The following SDK1 variants were observed in gnomAD, a reference collection of about 807,000 sequenced individuals.
The protein encoded by SDK1 is protein sidekick-1.
SDK1 carries 157 observed loss-of-function variants against 245.5 expected under a neutral mutation model. The ratio of observed to expected loss-of-function variants is 0.64; its 90% CI spans 0.56 to 0.73. The LOEUF is 0.73. Among genes scored for constraint, SDK1 ranks in the 30% least tolerant of loss-of-function variants. SDK1 has a pLI of 0.00. For missense variants in SDK1, 3,583 were observed against 3,002.3 expected (o/e 1.19, Z -4.52); for synonymous variants, 1,647 against 1,278.5 (o/e 1.29, Z -6.15).
At chr7:3,532,969 G>C (rs1453606022) in intron 1 of SDK1, among the ~76,000 whole-genome samples, 1 of 152,206 alleles carries the variant, frequency 6.6e-6, no homozygotes, top group African/African-American at 2.4e-5. Context: ...TGGTAGTGGA[G>C]AGGAGAGACT....
At chr7:3,824,265 A>G (rs1392804352) in intron 5 of SDK1, among the ~76,000 whole-genome samples, 1 of 152,192 alleles carries the variant, frequency 6.6e-6, no homozygotes, top group Non-Finnish European at 1.5e-5. Context: ...CTTCTGATGT[A>G]GGCTTTTGTG....
At chr7:3,711,890 G>A (rs1583331117) in intron 4 of SDK1, among the ~76,000 whole-genome samples, 1 of 152,246 alleles carries the variant, frequency 6.6e-6, no homozygotes, top group Admixed American at 6.5e-5. Flanking sequence ...AGACTTCCAG[G>A]GGAAACATCT....
At chr7:3,681,131 C>T (rs1487096056) in intron 4 of SDK1, among the ~76,000 whole-genome samples, 1 of 152,172 alleles carries the variant, frequency 6.6e-6, no homozygotes, top group African/African-American at 2.4e-5. Context: ...CGTGAGCCAC[C>T]GCGCCCGGCT....
chr7:3,614,716 T>TC (rs2128643350), intron 1 of SDK1, among the ~76,000 whole-genome samples: 1 of 152,340 alleles, frequency 6.6e-6, no homozygotes, highest in South Asian at 2.1e-4. Flanking sequence ...GAAGTGCTAT[T>TC]CCCCACCTTG....
intron 19 of SDK1, 122 bp from the exon 20 acceptor site, chr7:4,067,716 C>T (rs1342177171): frequency 3.1e-6 from 2 of 653,918 alleles, no homozygotes; most frequent in Admixed American, 5.3e-5. Flanking sequence ...CTGATGTCTC[C>T]TGCAGGGTTT....
chr7:3,573,509 C>T (rs1011630511), intron 1 of SDK1, among the ~76,000 whole-genome samples: 1 of 152,090 alleles, frequency 6.6e-6, no homozygotes, highest in Non-Finnish European at 1.5e-5. Context: ...ATGCAGCTGC[C>T]CCCTGAGAAA....
chr7:3,979,016 G>C (rs937186282), intron 13 of SDK1, among the ~76,000 whole-genome samples: 3 of 152,210 alleles, frequency 2.0e-5, no homozygotes, highest in African/African-American at 7.2e-5. Flanking sequence ...GAGTGGAGGG[G>C]CGGCCCCCAC....
chr7:3,688,170 G>C (rs1289267637), intron 4 of SDK1, among the ~76,000 whole-genome samples: 1 of 152,194 alleles, frequency 6.6e-6, no homozygotes, highest in African/African-American at 2.4e-5. Flanking sequence ...AAAGTTAATT[G>C]TATCATTACT....
At chr7:3,827,170 A>G (rs7795259) in intron 5 of SDK1, among the ~76,000 whole-genome samples, 2 of 109,990 alleles carry the variant, frequency 1.8e-5, no homozygotes, top group Non-Finnish European at 4.0e-5. Context: ...TTGAACACAT[A>G]TGGGGGAAGC....
At chr7:3,597,531 G>A (rs936671223) in intron 1 of SDK1, among the ~76,000 whole-genome samples, 2 of 152,156 alleles carry the variant, frequency 1.3e-5, no homozygotes, top group Admixed American at 1.3e-4. Context: ...TTTTTCGAAA[G>A]TGTTAGAGAG....
rs375225640 is a variant in SDK1 at position 3,551,521 on chromosome 7, C to T, written c.299-67559C>T. Among the ~76,000 whole-genome samples, 4 of 151,598 alleles carry T rather than the reference C, an allele frequency of 2.6e-5. 1 individual carries two copies. The highest frequency in any genetic ancestry group is 9.7e-5 in the African/African-American group (4 of 41,346). ...TACATCATTTTGTTAATAAGTTGTG[C>T]ATCAGTTAAACTGAAAGCTTGCTTT... is the stretch of plus-strand genomic sequence containing the variant. On this transcript the variant is annotated intron_variant, in intron 1 of 44. Transcript: ENST00000404826.
intron 35 of SDK1, among the ~76,000 whole-genome samples, chr7:4,200,984 G>T (rs577412690): frequency 6.6e-6 from 1 of 152,192 alleles, no homozygotes; most frequent in Non-Finnish European, 1.5e-5. Flanking sequence ...AAGTCCTTAC[G>T]TCCCTCAGCT....
intron 19 of SDK1, among the ~76,000 whole-genome samples, chr7:4,055,113 A>C (rs1387892376): frequency 6.6e-6 from 1 of 152,186 alleles, no homozygotes; most frequent in African/African-American, 2.4e-5. Flanking sequence ...TGGTCCCATG[A>C]AATATGTTTA....
At chr7:4,126,024 C>G (rs767949140) in intron 25 of SDK1, among the ~76,000 whole-genome samples, 8 of 152,196 alleles carry the variant, frequency 5.3e-5, no homozygotes, top group Non-Finnish European at 8.8e-5. Context: ...AAACAGTATC[C>G]TCCCAGAACC....
rs983221879 is a variant in SDK1 at position 4,267,888 on chromosome 7, G to A, written c.*2504G>A. On this transcript the variant is annotated 3_prime_UTR_variant, in exon 45 of 45. Coordinates refer to ENST00000404826, the MANE Select transcript of SDK1 (RefSeq NM_152744.4). ...ATGCCTCGGAGGGACTCTGTCCCAT[G>A]AGAACCACCTGTGCAAAGGAACAGA... 2.0e-6 allele frequency: 2 copies of A among 985,422 alleles called. No homozygotes were observed. The highest frequency in any genetic ancestry group is 2.4e-6 in the Non-Finnish European group (2 of 830,020). The allele number at this position is 985,422 out of a possible 1,614,324, so 61.0% of individuals were successfully genotyped here.
intron 1 of SDK1, among the ~76,000 whole-genome samples, chr7:3,554,736 A>G (rs1779530225): frequency 6.6e-6 from 1 of 152,232 alleles, no homozygotes; most frequent in African/African-American, 2.4e-5. Context: ...CAAATTCATT[A>G]TAGTTGCTGA....
chr7:4,001,832 C>T (rs1785100203), intron 14 of SDK1, among the ~76,000 whole-genome samples: 1 of 152,220 alleles, frequency 6.6e-6, no homozygotes, highest in Non-Finnish European at 1.5e-5. Flanking sequence ...CTTTCTCAGG[C>T]GTCCTCAGTG....
intron 35 of SDK1, among the ~76,000 whole-genome samples, chr7:4,182,507 G>A (rs1322988808): frequency 6.6e-6 from 1 of 152,214 alleles, no homozygotes; most frequent in African/African-American, 2.4e-5. Context: ...CCTGCACCCA[G>A]GGACGTGTCC....
chr7:3,443,858 C>T (rs1251254344), intron 1 of SDK1, among the ~76,000 whole-genome samples: 3 of 152,148 alleles, frequency 2.0e-5, no homozygotes, highest in South Asian at 2.1e-4. Flanking sequence ...AAAGTGCAAA[C>T]TGATTATTTC....
Sources: gnomAD v4.1 joint callset for allele counts (sites outside exome capture counted in the v4.1 genomes callset) on GRCh38, gnomAD v4.1.1 for gene constraint, MANE v1.5 for transcripts, NCBI Gene and HGNC (gene_info 2026-07-23, HGNC 2026-07-21) for gene names.